The following SPDYE12 variants were observed in gnomAD, a reference collection of about 807,000 sequenced individuals.
SPDYE12 encodes the protein speedy protein E12.
the SPDYE12 span, among the ~76,000 whole-genome samples, chr7:74,908,835 G>A: frequency 4.1e-5 from 6 of 148,058 alleles, no homozygotes; most frequent in Non-Finnish European, 7.5e-5. Flanking sequence ...CACCACACCC[G>A]GCTAATTTTT....
the SPDYE12 span, among the ~76,000 whole-genome samples, chr7:74,914,269 CAGCT>C: frequency 1.8e-4 from 4 of 21,756 alleles, no homozygotes; most frequent in African/African-American, 5.9e-4. Flanking sequence ...CGAAAAATCT[CAGCT>C]GTGCACAGTG....
the SPDYE12 span, among the ~76,000 whole-genome samples, chr7:74,905,011 G>GT: frequency 7.2e-6 from 1 of 139,144 alleles, no homozygotes; most frequent in South Asian, 2.3e-4. Flanking sequence ...CCAGAATTAT[G>GT]TTTTTTTCTG....
At chr7:74,908,872 A>T in the SPDYE12 span, among the ~76,000 whole-genome samples, 835 of 148,368 alleles carry the variant, frequency 5.6e-3, 17 homozygotes, top group Non-Finnish European at 8.0e-3. Context: ...AAGTGGAGAC[A>T]GGGTTTCACC....
At chr7:74,912,953 C>T in the SPDYE12 span, among the ~76,000 whole-genome samples, 1 of 136,614 alleles carries the variant, frequency 7.3e-6, no homozygotes, top group Admixed American at 7.3e-5. Flanking sequence ...ACCACTACCG[C>T]CTGGCTAATT....
At chr7:74,909,747 GAA>G in the SPDYE12 span, 2 of 984,510 alleles carry the variant, frequency 2.0e-6, no homozygotes. Context: ...TGCTCATGTG[GAA>G]ATTGCGGGGT....
chr7:74,907,654 C>G, the SPDYE12 span, among the ~76,000 whole-genome samples: 1 of 150,406 alleles, frequency 6.6e-6, no homozygotes, highest in African/African-American at 2.4e-5. Flanking sequence ...TTGTGTGAAC[C>G]CAGGAGGCGG....
At chr7:74,909,927 T>A in the SPDYE12 span, among the ~76,000 whole-genome samples, 7 of 149,536 alleles carry the variant, frequency 4.7e-5, no homozygotes, top group African/African-American at 1.7e-4. Flanking sequence ...CCCAAGGAGC[T>A]GAGAGTAGAG....
chr7:74,909,250 T>G, the SPDYE12 span, among the ~76,000 whole-genome samples: 2 of 150,912 alleles, frequency 1.3e-5, no homozygotes, highest in Non-Finnish European at 3.0e-5. Context: ...GACGGGGTTT[T>G]GCCATGTTGG....
chr7:74,912,770 CTTTTTTTTTTTTTTTTTTTTTT>C, the SPDYE12 span, among the ~76,000 whole-genome samples: 1 of 11,240 alleles, frequency 8.9e-5, no homozygotes, highest in Non-Finnish European at 1.6e-4. Context: ...TTTTTTTCTT[CTTTTTTTTTTTTTTTTTTTTTT>C]TTTTTTTTTT....
At chr7:74,908,872 A>C in the SPDYE12 span, among the ~76,000 whole-genome samples, 1 of 148,268 alleles carries the variant, frequency 6.7e-6, no homozygotes, top group African/African-American at 2.5e-5. Flanking sequence ...AAGTGGAGAC[A>C]GGGTTTCACC....
At chr7:74,904,829 A>G in the SPDYE12 span, among the ~76,000 whole-genome samples, 6 of 149,108 alleles carry the variant, frequency 4.0e-5, no homozygotes, top group Middle Eastern at 3.5e-3. Flanking sequence ...AAATATTTCA[A>G]TAAATAAAAT....
chr7:74,907,073 C>T, the SPDYE12 span: 3 of 1,534,630 alleles, frequency 2.0e-6, no homozygotes, highest in Non-Finnish European at 2.7e-6. Context: ...TCATCGTCCT[C>T]CTCCATGTCA....
chr7:74,909,177 C>T, the SPDYE12 span, among the ~76,000 whole-genome samples: 2 of 150,320 alleles, frequency 1.3e-5, no homozygotes, highest in East Asian at 3.9e-4. Flanking sequence ...CCTCAGCCTC[C>T]CAAGTAGCTT....
chr7:74,908,300 G>A, the SPDYE12 span, among the ~76,000 whole-genome samples: 1 of 128,514 alleles, frequency 7.8e-6, no homozygotes, highest in Non-Finnish European at 1.7e-5. Flanking sequence ...AATTGGCACT[G>A]TGGACCCTGG....
the SPDYE12 span, among the ~76,000 whole-genome samples, chr7:74,909,224 T>A: frequency 2.0e-5 from 3 of 151,074 alleles, no homozygotes; most frequent in African/African-American, 7.3e-5. Context: ...CGACTGATTT[T>A]TCTATTTTTA....
chr7:74,908,872 A>G, the SPDYE12 span, among the ~76,000 whole-genome samples: 74 of 148,372 alleles, frequency 5.0e-4, 1 homozygote, highest in Middle Eastern at 3.4e-3. Context: ...AAGTGGAGAC[A>G]GGGTTTCACC....
At chr7:74,910,778 C>T in the SPDYE12 span, 50 of 1,343,868 alleles carry the variant, frequency 3.7e-5, 1 homozygote, top group Middle Eastern at 2.3e-4. Flanking sequence ...TTGGAAGCTG[C>T]GCCCTCCCCC....
the SPDYE12 span, among the ~76,000 whole-genome samples, chr7:74,908,687 T>C: frequency 7.8e-6 from 1 of 128,826 alleles, no homozygotes; most frequent in Non-Finnish European, 1.6e-5. Flanking sequence ...TTTTTTTTTT[T>C]TTTTGAGACG....
the SPDYE12 span, among the ~76,000 whole-genome samples, chr7:74,912,758 C>CTTTTTTTT: frequency 2.0e-5 from 1 of 49,994 alleles, no homozygotes; most frequent in African/African-American, 1.2e-4. Context: ...TCTGACCCTT[C>CTTTTTTTT]TTTTTTTTCT....
Sources: gnomAD v4.1 joint callset for allele counts (sites outside exome capture counted in the v4.1 genomes callset) on GRCh38, gnomAD v4.1.1 for gene constraint, MANE v1.5 for transcripts, NCBI Gene and HGNC (gene_info 2026-07-23, HGNC 2026-07-21) for gene names.